Variants in ACAN observed in about 807,000 individuals in gnomAD.
ACAN encodes the protein aggrecan.
Under a neutral mutation model 169.1 loss-of-function variants are expected in ACAN, and 47 were observed. That is an observed-to-expected ratio of 0.28 (90% confidence interval 0.22 to 0.35). The LOEUF is 0.35. Ranked by LOEUF, ACAN falls within the 10% of genes least tolerant of loss-of-function variation. ACAN has a pLI of 1.00. For missense variants in ACAN, 2,716 were observed against 2,759.9 expected (o/e 0.98, Z 0.36); for synonymous variants, 1,115 against 1,112.2 (o/e 1.00, Z -0.05).
In ACAN at chr15:88,841,766, G is replaced by T. The variant is rs781581989; in HGVS notation, c.656G>T (p.Gly219Val). ...TACCCCATCCACACTCCCCGGGAAG[G>T]CTGCTATGGAGACAAGGATGAGTTT... The part of the protein sequence containing the change: ...VRYPIHTPRE[G>V]CYGDKDEFPG... Residue 219 changes from glycine (G) to valine (V), a missense_variant, in exon 5 of 19, where the codon GGC becomes GTC. This residue lies in a region of ACAN where 1,283 missense variants were observed against 1,281.5 expected (regional missense o/e 1.00). Transcript: ENST00000560601. 4.3e-6 allele frequency: 7 copies of T among 1,613,690 alleles called. No individual in the cohort carries two copies. The highest frequency in any genetic ancestry group is 3.3e-5 in the Admixed American group (2 of 59,988).
chr15:88,827,427 T>C (rs1336185778), intron 1 of ACAN, among the ~76,000 whole-genome samples: 1 of 152,240 alleles, frequency 6.6e-6, no homozygotes, highest in Non-Finnish European at 1.5e-5. Context: ...CAGATGCAAA[T>C]TGTATGTGGG....
intron 1 of ACAN, among the ~76,000 whole-genome samples, chr15:88,825,591 G>T (rs1896194422): frequency 6.6e-6 from 1 of 152,198 alleles, no homozygotes; most frequent in African/African-American, 2.4e-5. Flanking sequence ...TAGAGACTGG[G>T]TCCAAAGTGG....
rs758574714 is a variant in ACAN at position 88,855,113 on chromosome 15, C to G, written c.2528C>G (p.Thr843Arg). Residue 843 changes from threonine (T) to arginine (R), a missense_variant, in exon 12 of 19, where the codon ACA (threonine) becomes AGA (arginine). Around this residue, in one of 3 missense-constraint regions of ACAN, gnomAD observed 1,283 missense variants for 1,281.5 expected, o/e 1.00. Coordinates refer to ENST00000560601, the MANE Select transcript of ACAN (RefSeq NM_001369268.1). ...EEPSASEEPY[T>R]PSPPVPSWTE... Reference sequence around the variant, plus strand: ...CCATCAGCCTCGGAAGAGCCGTATACACCTTCACCCCCCGTGCCCAGCTGG... The same window carrying G: ...CCATCAGCCTCGGAAGAGCCGTATAGACCTTCACCCCCCGTGCCCAGCTGG... The G allele has an allele frequency of 3.1e-6, 5 of 1,605,630 alleles. No homozygotes were observed. The highest frequency in any genetic ancestry group is 1.1e-5 in the South Asian group (1 of 89,500).
intron 1 of ACAN, among the ~76,000 whole-genome samples, chr15:88,834,008 G>C (rs868212451): frequency 1.3e-4 from 20 of 152,174 alleles, no homozygotes; most frequent in African/African-American, 4.6e-4. Context: ...CCCCAGAGTG[G>C]AGAAGACACT....
intron 1 of ACAN, among the ~76,000 whole-genome samples, chr15:88,809,874 C>T (rs532939769): frequency 2.7e-4 from 41 of 152,310 alleles, no homozygotes; most frequent in African/African-American, 9.9e-4. Context: ...AGATTTATCT[C>T]AATGCAGGCA....
Position 88,824,138 on chromosome 15 carries a change from C to CA in ACAN, c.-7-12061dup, listed in dbSNP as rs1165688787. 3.9e-5 allele frequency among the ~76,000 whole-genome samples: 6 copies of CA among 152,070 alleles called. No individual in the cohort carries two copies. The East Asian group carries it at 1.2e-3, about 29-fold the overall frequency. On this transcript the variant is annotated intron_variant, in intron 1 of 18. Coordinates refer to ENST00000560601, the MANE Select transcript of ACAN (RefSeq NM_001369268.1). The stretch of plus-strand genomic sequence containing the variant: ...AGGAGATCAAGACCATCCTGGCTAA[C>CA]ACAGTGAAACCCCGTCTCTACTAAA...
rs766854282 is a variant in ACAN at position 88,843,471 on chromosome 15, G to A, written c.874G>A (p.Ala292Thr). The change falls in exon 6 of 19, where the codon GCT becomes ACT. Residue 292 changes from alanine (A) to threonine (T), a missense_variant. Around this residue, in one of 3 missense-constraint regions of ACAN, gnomAD observed 1,283 missense variants for 1,281.5 expected, o/e 1.00. Transcript: ENST00000560601. The surrounding 1 kb of genome is among the most constrained non-coding windows in gnomAD (Gnocchi z 4.0). ...TTGQLYLAWQ[A>T]GMDMCSAGWL... ...GGGCCAGCTCTACCTGGCCTGGCAGGCTGGCATGGACATGTGCAGCGCCGG... is the reference window on the plus strand; with the variant it reads ...GGGCCAGCTCTACCTGGCCTGGCAGACTGGCATGGACATGTGCAGCGCCGG... The A allele has an allele frequency of 1.2e-5, 20 of 1,611,878 alleles. No homozygotes were observed. The East Asian group carries it at 3.6e-4, about 29-fold the overall frequency.
In ACAN at chr15:88,855,586, C is replaced by T; in HGVS notation, c.3001C>T (p.Leu1001=). 1.6e-6 allele frequency: 1 copy of T among 608,016 alleles called. No individual in the cohort carries two copies. Among genetic ancestry groups the T allele is most frequent in the South Asian group, 2.0e-5 (1 of 50,124 alleles). The allele number at this position is 608,016 out of a possible 1,614,324, so 37.7% of individuals were successfully genotyped here. A position where few individuals can be genotyped will look rare whatever the true frequency, so the allele number is the denominator to read the frequency against. The part of the protein sequence containing the change: ...DISGLPSGEV[L]ETTAPGVEDI... ...CAGCGGGCTTCCTTCTGGAGAAGTTCTAGAGACCACTGCCCCTGGAGTAGA... is the reference window on the plus strand; with the variant it reads ...CAGCGGGCTTCCTTCTGGAGAAGTTTTAGAGACCACTGCCCCTGGAGTAGA... The change falls in exon 12 of 19, where the codon CTA becomes TTA. Residue 1001 remains leucine, a synonymous_variant. Coordinates refer to ENST00000560601, the MANE Select transcript of ACAN (RefSeq NM_001369268.1).
chr15:88,840,324 G>C, intron 4 of ACAN, 138 bp downstream of exon 4: 2 of 1,118,586 alleles, frequency 1.8e-6, no homozygotes, highest in Non-Finnish European at 2.4e-6. Context: ...AGAGGCCGTG[G>C]TCACACCTTG....
chr15:88,860,404 G>GC lies in ACAN; in HGVS notation c.6917dup (p.Gly2307TrpfsTer8). ...ACAGAGGGACACGTCATATGCCTGT[G>GC]CCCCCCTGGCTACACTGGCGAGCAC... On this transcript the variant is annotated frameshift_variant, in exon 13 of 19. Coordinates refer to ENST00000560601, the MANE Select transcript of ACAN (RefSeq NM_001369268.1). LOFTEE classifies it high-confidence loss of function. 1.2e-6 allele frequency: 2 copies of GC among 1,613,646 alleles called. No individual in the cohort carries two copies. The highest frequency in any genetic ancestry group is 1.7e-6 in the Non-Finnish European group (2 of 1,179,800).
rs529140869 is a variant in ACAN, at chr15:88,866,147, G to A, written c.6947-2069G>A. ...GGCAGCCTGGGAGCAGGTTTTATGC[G>A]ACCAGCCTCTGAGACAACTGGATAC... On this transcript the variant is annotated intron_variant, in intron 13 of 18. Transcript: ENST00000560601. The surrounding 1 kb of genome is among the most constrained non-coding windows in gnomAD (Gnocchi z 5.6). Among the ~76,000 whole-genome samples, 2 of 152,202 alleles carry A rather than the reference G, an allele frequency of 1.3e-5. No homozygotes were observed. The highest frequency in any genetic ancestry group is 4.8e-5 in the African/African-American group (2 of 41,534).
At position 88,843,378 on chromosome 15, in the gene ACAN, C is replaced by A; in HGVS notation, c.781C>A (p.Pro261Thr). ...AGGTGAGGTCTTTTATGCAACATCT[C>A]CAGAGAAGTTCACCTTCCAGGAAGC... ...MEGEVFYATS[P>T]EKFTFQEAAN... The change falls in exon 6 of 19, where the codon CCA (proline) becomes ACA (threonine). Residue 261 changes from proline to threonine, a missense_variant. By Grantham distance (38) the Pro-to-Thr change is conservative (BLOSUM62 -1). Transcript: ENST00000560601. The surrounding 1 kb of genome is among the most constrained non-coding windows in gnomAD (Gnocchi z 4.0). The A allele has an allele frequency of 6.3e-7, 1 of 1,593,300 alleles. No individual in the cohort carries two copies.
rs367626767 is a variant in ACAN, at chr15:88,825,006, C to A, written c.-7-11194C>A. On this transcript the variant is annotated intron_variant, in intron 1 of 18. Transcript: ENST00000560601. ...AACAGGCTAGAATGACAATGGCCAGCGAGGGAAAGATCCAGAAGTGTGTGC... is the reference window on the plus strand; with the variant it reads ...AACAGGCTAGAATGACAATGGCCAGAGAGGGAAAGATCCAGAAGTGTGTGC... 2.6e-5 allele frequency among the ~76,000 whole-genome samples: 4 copies of A among 152,072 alleles called. No homozygotes were observed. The South Asian group carries it at 8.3e-4, about 32-fold the overall frequency.
At chr15:88,812,355 G>A (rs1429096651) in intron 1 of ACAN, among the ~76,000 whole-genome samples, 2 of 152,118 alleles carry the variant, frequency 1.3e-5, no homozygotes, top group African/African-American at 2.4e-5. Context: ...GATGCACACA[G>A]CAATTGATCA....
At chr15:88,850,776 C>A (rs553268440) in intron 10 of ACAN, 2 of 151,912 alleles carry the variant, frequency 1.3e-5, no homozygotes, top group South Asian at 4.2e-4. Context: ...CCTGTCTCTA[C>A]TAAAAAAAAG....
rs1048060347 is a variant in ACAN at position 88,871,992 on chromosome 15, C to G, written c.7220-11C>G. The G allele has an allele frequency of 3.0e-5, 48 of 1,612,770 alleles. No homozygotes were observed. Among genetic ancestry groups the G allele is most frequent in the Non-Finnish European group, 3.9e-5 (46 of 1,178,902 alleles). On this transcript the variant is annotated splice_polypyrimidine_tract_variant and intron_variant, in intron 15 of 18. Coordinates refer to ENST00000560601, the MANE Select transcript of ACAN (RefSeq NM_001369268.1). This position sits in a 1 kb window ranked among gnomAD's most constrained non-coding sequence, Gnocchi z 7.8. ...CCAGTGTGATGCCTGACACCCTCAC[C>G]CTTTCCCCAGACAATGCCCAAGACT...
At chr15:88,865,054 G>A (rs573282220) in intron 13 of ACAN, among the ~76,000 whole-genome samples, 5 of 152,302 alleles carry the variant, frequency 3.3e-5, no homozygotes, top group East Asian at 1.9e-4. Context: ...AGACAACCAC[G>A]TGATGCTTTG....
chr15:88,837,429 C>A (rs941626168), intron 2 of ACAN, among the ~76,000 whole-genome samples: 3 of 152,206 alleles, frequency 2.0e-5, no homozygotes, highest in Non-Finnish European at 2.9e-5. Flanking sequence ...AATCTGTTGG[C>A]CTGATTTACA....
chr15:88,819,221 G>A (rs565157502), intron 1 of ACAN, among the ~76,000 whole-genome samples: 2 of 152,288 alleles, frequency 1.3e-5, no homozygotes, highest in Admixed American at 1.3e-4. Context: ...AAGTGTCGGG[G>A]GGCAACATCA....
Sources: gnomAD v4.1 joint callset for allele counts (sites outside exome capture counted in the v4.1 genomes callset) on GRCh38, gnomAD v4.1.1 for gene constraint, gnomAD v4.1.1 regional missense constraint, Gnocchi (gnomAD v3.1) non-coding constraint, MANE v1.5 for transcripts, NCBI Gene and HGNC (gene_info 2026-07-23, HGNC 2026-07-21) for gene names.